RPL18: variants seen among roughly 807,000 people sequenced by gnomAD.
RPL18 encodes the protein large ribosomal subunit protein eL18.
RPL18 carries 4 observed loss-of-function variants against 25.0 expected under a neutral mutation model. The observed-to-expected ratio is 0.16, with a 90% CI of 0.08 to 0.37. The LOEUF (loss-of-function observed/expected upper bound fraction) is 0.37, where lower values mean the gene tolerates loss of function less well. RPL18 is among the 10% of genes least tolerant of loss of function. RPL18 has a pLI of 1.00. For synonymous variants in RPL18, 129 were observed against 101.6 expected (o/e 1.27, Z -1.62); for missense variants, 179 against 267.9 (o/e 0.67, Z 2.32).
At chr19:48,617,256 C>T (rs1434273440) in intron 3 of RPL18, 60 bp downstream of exon 3, 2 of 1,329,640 alleles carry the variant, frequency 1.5e-6, no homozygotes, top group African/African-American at 1.4e-5. Context: ...TGCCTCCCTT[C>T]CAGACAGACA....
intron 1 of RPL18, 51 bp downstream of exon 1, chr19:48,619,090 C>T (rs768753838): frequency 1.9e-6 from 3 of 1,566,040 alleles, no homozygotes; most frequent in Non-Finnish European, 2.6e-6. Context: ...CCCAAAACCA[C>T]GGCGGATGGC....
At chr19:48,615,674 C>A in intron 6 of RPL18, 1 of 651,208 alleles carries the variant, frequency 1.5e-6, no homozygotes, top group Non-Finnish European at 2.7e-6. Flanking sequence ...CTGCATGCTC[C>A]CCAGGAGATG....
chr19:48,615,472 G>C, intron 6 of RPL18, 25 bp from the exon 7 acceptor site: 1 of 1,587,254 alleles, frequency 6.3e-7, no homozygotes, highest in Non-Finnish European at 8.6e-7. Context: ...GGGAGTGAGA[G>C]GGGGGCCCTC....
Position 48,616,166 on chromosome 19 carries a change from G to T in RPL18, c.334C>A (p.Arg112Ser). The T allele has an allele frequency of 6.2e-7, 1 of 1,614,022 alleles. No individual in the cohort carries two copies. Among genetic ancestry groups the T allele is most frequent in the Non-Finnish European group, 8.5e-7 (1 of 1,180,002 alleles). ...ATCTTGCCCCCTGCCCTGAGGATGCGGCTGCGGGCCCGGCTGGTCACGCGC... is the reference window on the plus strand; with the variant it reads ...ATCTTGCCCCCTGCCCTGAGGATGCTGCTGCGGGCCCGGCTGGTCACGCGC... Reference protein sequence around the residue: ...ALRVTSRARSRILRAGGKILT... With the variant: ...ALRVTSRARSSILRAGGKILT... Residue 112 changes from arginine (R) to serine (S), a missense_variant, in exon 5 of 7, where the codon CGC (arginine) becomes AGC (serine). By Grantham distance (110) the Arg-to-Ser change is moderately radical. Coordinates refer to ENST00000549920, the MANE Select transcript of RPL18 (RefSeq NM_000979.4).
chr19:48,618,315 A>C (rs891107954), intron 1 of RPL18: 1 of 157,878 alleles, frequency 6.3e-6, no homozygotes, highest in East Asian at 1.9e-4. Flanking sequence ...AACCCTTACC[A>C]AATAGTGTCT....
chr19:48,616,733 T>C lies in RPL18; in HGVS notation c.290A>G (p.Lys97Arg). 3 of 1,610,656 alleles carry C rather than the reference T, an allele frequency of 1.9e-6. No individual in the cohort carries two copies. Among genetic ancestry groups the C allele is most frequent in the Non-Finnish European group, 2.5e-6 (3 of 1,176,964 alleles). The stretch of plus-strand genomic sequence containing the variant: ...CAGCCCCCGCCAGCTCACCTTCAGT[T>C]TGGGTACCTCCTGAACCCGCACATC... Reference protein sequence around the residue: ...TDDVRVQEVPKLKVCALRVTS... With the variant: ...TDDVRVQEVPRLKVCALRVTS... Residue 97 changes from lysine (K) to arginine (R), a missense_variant, in exon 4 of 7, where the codon AAA becomes AGA. Physicochemically the swap from Lys to Arg is conservative, Grantham distance 26. Coordinates refer to ENST00000549920, the MANE Select transcript of RPL18 (RefSeq NM_000979.4).
At chr19:48,615,772 G>A in intron 6 of RPL18, 105 bp downstream of exon 6, 1 of 1,010,692 alleles carries the variant, frequency 9.9e-7, no homozygotes, top group South Asian at 1.4e-5. Flanking sequence ...CAGAAGGCCT[G>A]GGGCTGGCTG....
intron 4 of RPL18, chr19:48,616,455 G>C: frequency 1.5e-6 from 1 of 658,310 alleles, no homozygotes; most frequent in South Asian, 1.7e-5. Flanking sequence ...GGTGACAAAG[G>C]AGTCTAGACT....
Position 48,619,178 on chromosome 19 carries a change from G to C in RPL18, c.-35C>G. On this transcript the variant is annotated 5_prime_UTR_variant, in exon 1 of 7. Transcript: ENST00000549920. ...TCCTGCTCGGCCAGGTCCGGAAAGA[G>C]AGAACGGGCTGGGGTGGGCGGGGAA... 1.4e-6 allele frequency: 1 copy of C among 712,458 alleles called. No homozygotes were observed. The highest frequency in any genetic ancestry group is 2.3e-6 in the Non-Finnish European group (1 of 434,706). The allele number at this position is 712,458 out of a possible 1,614,324, so 44.1% of individuals were successfully genotyped here.
At chr19:48,618,220 T>A (rs555336877) in intron 1 of RPL18, 1 of 217,370 alleles carries the variant, frequency 4.6e-6, no homozygotes, top group Admixed American at 5.4e-5. Flanking sequence ...ATCAAACCAA[T>A]GGCAGTAATG....
chr19:48,616,647 CA>C (rs1555739338), intron 4 of RPL18, 78 bp downstream of exon 4: 1 of 917,870 alleles, frequency 1.1e-6, no homozygotes. Flanking sequence ...GATGGACCAG[CA>C]CAGCACAGCA....
At position 48,616,753 on chromosome 19, in the gene RPL18, C is replaced by T; in HGVS notation, c.270G>A (p.Val90=). 1.2e-6 allele frequency: 2 copies of T among 1,613,946 alleles called. No homozygotes were observed. Among genetic ancestry groups the T allele is most frequent in the Non-Finnish European group, 1.7e-6 (2 of 1,179,848 alleles). The change falls in exon 4 of 7, where the codon GTG becomes GTA. Residue 90 remains valine, a synonymous_variant. Coordinates refer to ENST00000549920, the MANE Select transcript of RPL18 (RefSeq NM_000979.4). ...TCAGTTTGGGTACCTCCTGAACCCG[C>T]ACATCATCAGTTATGGTCCCCACAA... ...AVVVGTITDD[V]RVQEVPKLKV...
chr19:48,615,465 A>AG lies in RPL18; in HGVS notation c.492-19dup. On this transcript the variant is annotated intron_variant, in intron 6 of 6. Transcript: ENST00000549920. The stretch of plus-strand genomic sequence containing the variant: ...CGTAGGGTCTGTGGGGAGAGGAGGG[A>AG]GTGAGAGGGGGGCCCTCTTAAAGGA... 6.2e-7 allele frequency: 1 copy of AG among 1,601,210 alleles called. No individual in the cohort carries two copies. Among genetic ancestry groups the AG allele is most frequent in the Non-Finnish European group, 8.5e-7 (1 of 1,171,398 alleles).
intron 6 of RPL18, 51 bp downstream of exon 6, chr19:48,615,826 C>A (rs1974149830): frequency 3.3e-6 from 5 of 1,513,230 alleles, no homozygotes; most frequent in Non-Finnish European, 4.5e-6. Context: ...CCAGGCCTGG[C>A]CCTGCAGGCT....
At chr19:48,615,509 C>A in intron 6 of RPL18, 62 bp from the exon 7 acceptor site, 1 of 1,209,528 alleles carries the variant, frequency 8.3e-7, no homozygotes, top group Non-Finnish European at 1.2e-6. Flanking sequence ...TGGAGTGGCA[C>A]AGGAACACCA....
Position 48,616,188 on chromosome 19 carries a change from G to T in RPL18, c.312C>A (p.Arg104=). The change falls in exon 5 of 7, where the codon CGC becomes CGA. Residue 104 remains arginine, a synonymous_variant. Transcript: ENST00000549920. ...EVPKLKVCAL[R]VTSRARSRIL... ...TGCGGCTGCGGGCCCGGCTGGTCAC[G>T]CGCAGTGCACATACCTGGTGGAGAG... The T allele has an allele frequency of 6.2e-7, 1 of 1,613,796 alleles. No individual in the cohort carries two copies. The highest frequency in any genetic ancestry group is 1.1e-5 in the South Asian group (1 of 91,080).
At chr19:48,617,969 C>A in intron 1 of RPL18, 92 bp from the exon 2 acceptor site, 1 of 1,000,276 alleles carries the variant, frequency 1.0e-6, no homozygotes, top group Non-Finnish European at 1.6e-6. Flanking sequence ...GGACACAAGC[C>A]CAGGTCTGAA....
chr19:48,615,677 A>G, intron 6 of RPL18, 200 bp downstream of exon 6: 1 of 649,838 alleles, frequency 1.5e-6, no homozygotes, highest in Non-Finnish European at 2.7e-6. Context: ...CATGCTCCCC[A>G]GGAGATGCCT....
Position 48,619,176 on chromosome 19 carries a change from G to A in RPL18, c.-33C>T, listed in dbSNP as rs200472012. 4.3e-4 allele frequency: 343 copies of A among 791,836 alleles called. 2 individuals carry two copies. Among genetic ancestry groups the A allele is most frequent in the African/African-American group, 3.6e-3 (203 of 56,202 alleles). 49.1% of individuals were successfully genotyped at this position (791,836 alleles called of 1,614,324 possible). A position where few individuals can be genotyped will look rare whatever the true frequency, so the allele number is the denominator to read the frequency against. On this transcript the variant is annotated 5_prime_UTR_variant, in exon 1 of 7. Coordinates refer to ENST00000549920, the MANE Select transcript of RPL18 (RefSeq NM_000979.4). ...CCTCCTGCTCGGCCAGGTCCGGAAA[G>A]AGAGAACGGGCTGGGGTGGGCGGGG...
Sources: allele counts gnomAD v4.1 joint callset, GRCh38; gene constraint gnomAD v4.1.1; transcripts MANE v1.5; gene names NCBI Gene and HGNC (gene_info 2026-07-23, HGNC 2026-07-21).